Variants in AAK1 observed in about 807,000 individuals in gnomAD.
AAK1 encodes AP2 associated kinase 1.
Under a neutral mutation model 116.0 loss-of-function variants are expected in AAK1, and 37 were observed. That is an observed-to-expected ratio of 0.32 (90% CI 0.25 to 0.42). The LOEUF is 0.42. Ranked by LOEUF, AAK1 falls within the 10% of genes least tolerant of loss-of-function variation. AAK1 has a pLI of 1.00. For missense variants in AAK1, 919 were observed against 1,170.6 expected, an observed-to-expected ratio of 0.79 and a Z score of 3.14; for synonymous variants, 458 against 439.9, an observed-to-expected ratio of 1.04 and a Z score of -0.51.
chr2:69,629,391 G>C (rs10184383), intron 2 of AAK1, among the ~76,000 whole-genome samples: 12,786 of 152,228 alleles, frequency 0.084, 1,112 homozygotes, highest in African/African-American at 0.19. Context: ...ATGGTTTAGA[G>C]TTCCTTTATA....
rs775868119 is a variant in AAK1, at chr2:69,514,513, C to T, written c.1734G>A (p.Gln578=). 5 of 1,550,706 alleles carry T rather than the reference C, an allele frequency of 3.2e-6. No homozygotes were observed. In the South Asian group the frequency reaches 6.0e-5, roughly 18 times the overall value. Residue 578 remains glutamine (Q), a synonymous_variant, in exon 13 of 22, where the codon CAG becomes CAA. Transcript: ENST00000409085. ...TMAAGQQPQP[Q]PAAAPQPAPA... The stretch of plus-strand genomic sequence containing the variant: ...GGGCTGGCTGTGGGGCTGCAGCTGG[C>T]TGTGGCTGGGGCTGCTGTCCTGCTG...
At chr2:69,581,183 G>A (rs1033114129) in intron 2 of AAK1, among the ~76,000 whole-genome samples, 1 of 151,936 alleles carries the variant, frequency 6.6e-6, no homozygotes, top group Non-Finnish European at 1.5e-5. Flanking sequence ...GCACGATCTC[G>A]GCTCACTGCA....
chr2:69,526,822 C>T (rs947968426), intron 9 of AAK1, among the ~76,000 whole-genome samples: 3 of 152,082 alleles, frequency 2.0e-5, no homozygotes, highest in African/African-American at 4.8e-5. Flanking sequence ...GGACAAGGGG[C>T]GTAGGTTCTA....
chr2:69,484,619 C>A (rs1675218115), intron 17 of AAK1, among the ~76,000 whole-genome samples: 1 of 152,090 alleles, frequency 6.6e-6, no homozygotes, highest in East Asian at 1.9e-4. Flanking sequence ...ATGGGGAAAT[C>A]CACATCTCTA....
chr2:69,642,713 A>G (rs571387563), intron 2 of AAK1, among the ~76,000 whole-genome samples, 165 bp downstream of exon 2: 399 of 152,296 alleles, frequency 2.6e-3, no homozygotes, highest in Non-Finnish European at 4.5e-3. Flanking sequence ...AGTCACTTTC[A>G]AATCTCAATT....
At chr2:69,501,319 C>A (rs922436099) in intron 16 of AAK1, among the ~76,000 whole-genome samples, 1 of 151,954 alleles carries the variant, frequency 6.6e-6, no homozygotes, top group Non-Finnish European at 1.5e-5. Context: ...AAGCATAACT[C>A]CAAAATAATA....
intron 2 of AAK1, among the ~76,000 whole-genome samples, chr2:69,580,397 T>TA (rs1427708262): frequency 6.6e-6 from 1 of 152,178 alleles, no homozygotes; most frequent in Admixed American, 6.5e-5. Flanking sequence ...AAAGTGGAAT[T>TA]TGGTATAAGT....
intron 2 of AAK1, among the ~76,000 whole-genome samples, chr2:69,576,925 C>A (rs1672338695): frequency 6.6e-6 from 1 of 152,228 alleles, no homozygotes; most frequent in Non-Finnish European, 1.5e-5. Context: ...CAATATCATT[C>A]TCCACGGCAT....
At chr2:69,610,469 G>A (rs547326919) in intron 2 of AAK1, among the ~76,000 whole-genome samples, 34 of 152,244 alleles carry the variant, frequency 2.2e-4, no homozygotes, top group Middle Eastern at 3.4e-3. Context: ...TGATACCAAA[G>A]GCACAGGCAA....
At chr2:69,546,163 G>A (rs566901616) in intron 3 of AAK1, among the ~76,000 whole-genome samples, 65 of 152,084 alleles carry the variant, frequency 4.3e-4, no homozygotes, top group Admixed American at 1.9e-3. Flanking sequence ...GGTTTAAGGC[G>A]GAAGAAAAAG....
intron 17 of AAK1, among the ~76,000 whole-genome samples, chr2:69,493,024 A>T (rs1644930840): frequency 6.6e-6 from 1 of 151,662 alleles, no homozygotes; most frequent in African/African-American, 2.4e-5. Flanking sequence ...TCCTCACTCA[A>T]TATTCAAAAA....
At chr2:69,496,227 T>C (rs1446806999) in intron 16 of AAK1, 147 bp from the exon 17 acceptor site, 6 of 596,604 alleles carry the variant, frequency 1.0e-5, no homozygotes, top group Non-Finnish European at 1.2e-5. Flanking sequence ...AAAGTGGCTG[T>C]AGCTCAGTGA....
intron 2 of AAK1, among the ~76,000 whole-genome samples, chr2:69,595,260 G>A (rs777799559): frequency 5.9e-5 from 9 of 152,002 alleles, no homozygotes; most frequent in Admixed American, 1.3e-4. Flanking sequence ...TTACAGGCAC[G>A]CACCACCACA....
chr2:69,561,954 T>C (rs1361555103), intron 2 of AAK1, among the ~76,000 whole-genome samples: 1 of 152,254 alleles, frequency 6.6e-6, no homozygotes, highest in East Asian at 1.9e-4. Flanking sequence ...ATTGTATACA[T>C]ATTCCACAAT....
intron 10 of AAK1, among the ~76,000 whole-genome samples, chr2:69,523,147 T>C (rs1172854153): frequency 6.6e-6 from 1 of 152,252 alleles, no homozygotes; most frequent in Non-Finnish European, 1.5e-5. Flanking sequence ...TTAGTTTGTA[T>C]GGACTTCAAT....
At chr2:69,561,473 C>T (rs192269045) in intron 2 of AAK1, among the ~76,000 whole-genome samples, 1 of 152,240 alleles carries the variant, frequency 6.6e-6, no homozygotes, top group Non-Finnish European at 1.5e-5. Context: ...GGCGAGCAAC[C>T]TATCATATTC....
chr2:69,636,812 G>A (rs997334051), intron 2 of AAK1, among the ~76,000 whole-genome samples: 2 of 151,754 alleles, frequency 1.3e-5, no homozygotes, highest in South Asian at 4.2e-4. Flanking sequence ...CGATTCTGCT[G>A]CCTTAGCCTC....
chr2:69,572,919 G>T (rs891349486), intron 2 of AAK1, among the ~76,000 whole-genome samples: 1 of 152,112 alleles, frequency 6.6e-6, no homozygotes, highest in Admixed American at 6.5e-5. Context: ...GTCAGTTTCT[G>T]GCTCTCAGTG....
At chr2:69,535,191 G>A (rs1237265361) in intron 5 of AAK1, among the ~76,000 whole-genome samples, 1 of 152,134 alleles carries the variant, frequency 6.6e-6, no homozygotes, top group Non-Finnish European at 1.5e-5. Context: ...TGTACATCTA[G>A]AAAAGCTGTT....
Sources: allele counts gnomAD v4.1 joint callset (sites outside exome capture counted in the v4.1 genomes callset), GRCh38; gene constraint gnomAD v4.1.1; transcripts MANE v1.5; gene names NCBI Gene and HGNC (gene_info 2026-07-23, HGNC 2026-07-21).